DPYD: variants seen among roughly 807,000 people sequenced by gnomAD.
The protein encoded by DPYD is dihydropyrimidine dehydrogenase [NADP(+)].
A neutral mutation model predicts 116.2 loss-of-function variants in DPYD; 109 were observed. The observed-to-expected ratio is 0.94, with a 90% CI of 0.80 to 1.10. The LOEUF is 1.10. DPYD is among the 50% of genes least tolerant of loss of function. The pLI is 0.00. For missense variants in DPYD, 1,302 were observed against 1,254.5 expected, an observed-to-expected ratio of 1.04 and a Z score of -0.57; for synonymous variants, 440 against 432.0, an observed-to-expected ratio of 1.02 and a Z score of -0.23.
At chr1:97,544,315 G>A (rs925736804) in intron 12 of DPYD, among the ~76,000 whole-genome samples, 2 of 152,132 alleles carry the variant, frequency 1.3e-5, no homozygotes, top group African/African-American at 4.8e-5. Context: ...TGGCAGGAAG[G>A]TGGAAATGTT....
At chr1:97,309,993 C>T (rs1558017973) in intron 16 of DPYD, among the ~76,000 whole-genome samples, 1 of 151,640 alleles carries the variant, frequency 6.6e-6, no homozygotes, top group Admixed American at 6.6e-5. Context: ...GGTTTCATGT[C>T]CTCTGCAAAG....
At chr1:97,636,071 T>G (rs1462194105) in intron 8 of DPYD, among the ~76,000 whole-genome samples, 4 of 152,222 alleles carry the variant, frequency 2.6e-5, no homozygotes, top group African/African-American at 9.6e-5. Context: ...TCCACCCACC[T>G]TGGCCTCCCA....
intron 2 of DPYD, among the ~76,000 whole-genome samples, chr1:97,860,338 T>C (rs1462331699): frequency 6.6e-6 from 1 of 152,160 alleles, no homozygotes; most frequent in East Asian, 1.9e-4. Context: ...TTTAAACATA[T>C]CTTACTTACT....
chr1:97,448,309 C>G (rs1676205203), intron 14 of DPYD, among the ~76,000 whole-genome samples: 1 of 152,186 alleles, frequency 6.6e-6, no homozygotes, highest in Non-Finnish European at 1.5e-5. Context: ...ATTTCAAGTT[C>G]AAATTCTAGC....
intron 8 of DPYD, among the ~76,000 whole-genome samples, chr1:97,665,408 T>C (rs896253342): frequency 6.6e-6 from 1 of 152,198 alleles, no homozygotes; most frequent in African/African-American, 2.4e-5. Context: ...TTTCACATTG[T>C]TGTTTTTATT....
intron 18 of DPYD, among the ~76,000 whole-genome samples, chr1:97,254,164 A>G (rs1183096509): frequency 1.3e-5 from 2 of 152,086 alleles, no homozygotes; most frequent in African/African-American, 4.8e-5. Context: ...TTCTACCCAA[A>G]TATGTTGACT....
At chr1:97,603,202 T>C (rs1305234079) in intron 8 of DPYD, among the ~76,000 whole-genome samples, 2 of 152,044 alleles carry the variant, frequency 1.3e-5, no homozygotes, top group East Asian at 1.9e-4. Context: ...AGTTCTTAGA[T>C]AGTGTTAGGA....
At chr1:97,540,359 G>GAACA (rs1650343941) in intron 12 of DPYD, among the ~76,000 whole-genome samples, 1 of 142,732 alleles carries the variant, frequency 7.0e-6, no homozygotes, top group South Asian at 2.3e-4. Flanking sequence ...GCGGGGCAGG[G>GAACA]AACAAAACAA....
At chr1:97,882,625 C>T (rs1428324663) in intron 2 of DPYD, among the ~76,000 whole-genome samples, 1 of 151,956 alleles carries the variant, frequency 6.6e-6, no homozygotes, top group Non-Finnish European at 1.5e-5. Context: ...CTAACATCAC[C>T]TTTAAGGTTG....
At chr1:97,723,466 C>CAT (rs1663037843) in intron 4 of DPYD, among the ~76,000 whole-genome samples, 1 of 151,108 alleles carries the variant, frequency 6.6e-6, no homozygotes, top group Admixed American at 6.6e-5. Context: ...CACACACATG[C>CAT]ATACACACAC....
Position 97,225,560 on chromosome 1 carries a change from G to GTT in DPYD, c.2442+9290_2442+9291dup, listed in dbSNP as rs59058167. On this transcript the variant is annotated intron_variant, in intron 19 of 22. Coordinates refer to ENST00000370192, the MANE Select transcript of DPYD (RefSeq NM_000110.4). ...GAGTAAAAAATTTTGAAATCAGGTT[G>GTT]TTTTTTTTTTTTTTTTGCTTTTGAA... Among the ~76,000 whole-genome samples the GTT allele has an allele frequency of 6.2e-3, 721 of 115,700 alleles. 11 individuals are homozygous for GTT. Among genetic ancestry groups the GTT allele is most frequent in the African/African-American group, 0.021 (685 of 32,762 alleles). The allele number at this position is 115,700 out of a possible 152,430, so 75.9% of individuals were successfully genotyped here. A position where few individuals can be genotyped will look rare whatever the true frequency, so the allele number is the denominator to read the frequency against.
intron 3 of DPYD, among the ~76,000 whole-genome samples, chr1:97,787,754 T>C (rs188111926): frequency 1.2e-4 from 18 of 152,332 alleles, no homozygotes; most frequent in African/African-American, 4.3e-4. Flanking sequence ...CTCAAAATCC[T>C]CTTTTCTGAA....
At chr1:97,103,159 G>A (rs1262537993) in intron 20 of DPYD, among the ~76,000 whole-genome samples, 2 of 152,016 alleles carry the variant, frequency 1.3e-5, no homozygotes, top group African/African-American at 4.8e-5. Context: ...ATGATTCAAG[G>A]TAGCACAGGA....
chr1:97,150,836 A>G (rs1654959984), intron 20 of DPYD, among the ~76,000 whole-genome samples: 1 of 152,218 alleles, frequency 6.6e-6, no homozygotes, highest in Admixed American at 6.5e-5. Context: ...TGTTTATAAG[A>G]AACTACACAC....
intron 12 of DPYD, among the ~76,000 whole-genome samples, chr1:97,537,751 T>C (rs576836542): frequency 2.5e-4 from 38 of 152,308 alleles, no homozygotes; most frequent in South Asian, 1.4e-3. Context: ...CCAAATTAGA[T>C]GAAATTAATG....
intron 7 of DPYD, among the ~76,000 whole-genome samples, chr1:97,681,093 G>A (rs1389990779): frequency 1.3e-5 from 2 of 152,068 alleles, no homozygotes; most frequent in Non-Finnish European, 2.9e-5. Flanking sequence ...TGCATATACT[G>A]ACTCATTTAA....
chr1:97,359,591 T>A (rs1265620649), intron 16 of DPYD, among the ~76,000 whole-genome samples: 1 of 152,124 alleles, frequency 6.6e-6, no homozygotes, highest in Non-Finnish European at 1.5e-5. Flanking sequence ...GAGAAGTCTA[T>A]CAGACTAACA....
At chr1:97,508,560 C>G (rs140351032) in intron 13 of DPYD, among the ~76,000 whole-genome samples, 1 of 151,996 alleles carries the variant, frequency 6.6e-6, no homozygotes, top group Non-Finnish European at 1.5e-5. Context: ...ATAGGTGCCA[C>G]TCTATACGAA....
chr1:97,688,065 C>G (rs1291329262), intron 7 of DPYD, among the ~76,000 whole-genome samples: 1 of 152,110 alleles, frequency 6.6e-6, no homozygotes, highest in Non-Finnish European at 1.5e-5. Context: ...TGCAGCAAAC[C>G]ACCATGTCAC....
Sources: gnomAD v4.1 joint callset for allele counts (sites outside exome capture counted in the v4.1 genomes callset) on GRCh38, gnomAD v4.1.1 for gene constraint, MANE v1.5 for transcripts, NCBI Gene and HGNC (gene_info 2026-07-23, HGNC 2026-07-21) for gene names.